Variants in FTO observed in about 807,000 individuals in gnomAD.
FTO encodes FTO alpha-ketoglutarate dependent dioxygenase.
In FTO, 47 loss-of-function variants were observed where a neutral mutation model predicts 63.9. That is an observed-to-expected ratio of 0.74 (90% confidence interval 0.58 to 0.94). FTO has a LOEUF of 0.94. Ranked by LOEUF, FTO falls within the 40% of genes least tolerant of loss-of-function variation. The pLI is 0.00. For missense variants in FTO, 562 were observed against 618.1 expected (o/e 0.91, Z 0.96); for synonymous variants, 207 against 224.4 (o/e 0.92, Z 0.69).
chr16:53,922,699 A>G (rs1376866390), intron 7 of FTO, among the ~76,000 whole-genome samples: 1 of 152,204 alleles, frequency 6.6e-6, no homozygotes, highest in Non-Finnish European at 1.5e-5. Context: ...ATAGACTGCA[A>G]GTTGGGATGA....
At chr16:53,944,855 C>G (rs986368335) in intron 8 of FTO, among the ~76,000 whole-genome samples, 1 of 152,158 alleles carries the variant, frequency 6.6e-6, no homozygotes, top group Admixed American at 6.5e-5. Context: ...ACCCAGCCAC[C>G]CTTATCCAAA....
At chr16:53,899,351 C>A (rs560863491) in intron 7 of FTO, among the ~76,000 whole-genome samples, 22 of 151,986 alleles carry the variant, frequency 1.4e-4, no homozygotes, top group Non-Finnish European at 2.6e-4. Flanking sequence ...TTTTAGATTT[C>A]CCTCTTCTGG....
intron 7 of FTO, among the ~76,000 whole-genome samples, chr16:53,920,302 C>T (rs1345503245): frequency 7.2e-6 from 1 of 138,700 alleles, no homozygotes. Context: ...TGCCTGTGGC[C>T]AGCTTGGTCG....
intron 7 of FTO, among the ~76,000 whole-genome samples, chr16:53,915,388 A>G (rs1396131898): frequency 6.6e-6 from 1 of 152,178 alleles, no homozygotes; most frequent in African/African-American, 2.4e-5. Context: ...GTATCCTCCC[A>G]GCTTCTGTAT....
intron 4 of FTO, among the ~76,000 whole-genome samples, chr16:53,858,523 A>T (rs1209161954): frequency 6.6e-6 from 1 of 152,210 alleles, no homozygotes; most frequent in Non-Finnish European, 1.5e-5. Flanking sequence ...GATAAAGATA[A>T]TCTCAAGGTA....
intron 1 of FTO, among the ~76,000 whole-genome samples, chr16:53,763,794 G>T (rs968096357): frequency 2.0e-5 from 3 of 152,168 alleles, no homozygotes; most frequent in South Asian, 4.1e-4. Flanking sequence ...TGCATACAAA[G>T]AAATTTTTAG....
intron 2 of FTO, among the ~76,000 whole-genome samples, chr16:53,823,491 T>G (rs1598750830): frequency 1.4e-5 from 2 of 145,838 alleles, no homozygotes; most frequent in East Asian, 2.0e-4. Context: ...TACATCCAAT[T>G]CCCCTCCCCC....
intron 1 of FTO, among the ~76,000 whole-genome samples, chr16:53,782,504 C>T (rs1215341716): frequency 6.6e-6 from 1 of 152,180 alleles, no homozygotes; most frequent in East Asian, 1.9e-4. Flanking sequence ...TATTTGGGTA[C>T]TCTAGATCAG....
intron 1 of FTO, among the ~76,000 whole-genome samples, chr16:53,798,364 G>T (rs1353622129): frequency 6.6e-6 from 1 of 152,092 alleles, no homozygotes. Flanking sequence ...CTTAGTTTGA[G>T]ATTGCATCAA....
chr16:53,770,729 C>T (rs2077313929), intron 1 of FTO, among the ~76,000 whole-genome samples: 1 of 152,008 alleles, frequency 6.6e-6, no homozygotes. Context: ...TTGAATAACC[C>T]AGGTGCTTGG....
At position 53,836,995 on chromosome 16, in the gene FTO, T is replaced by C. The variant is rs191385060; in HGVS notation, c.752-7160T>C. ...TCTGTGTTATTTACAACGTAAGGGT[T>C]TCCTGTGAGTCTCCACAACTCTCTT... On this transcript the variant is annotated intron_variant, in intron 3 of 8. Transcript: ENST00000471389. Among the ~76,000 whole-genome samples the C allele has an allele frequency of 7.8e-4, 119 of 152,294 alleles. 1 individual carries two copies. Among genetic ancestry groups the C allele is most frequent in the African/African-American group, 2.8e-3 (117 of 41,572 alleles).
At chr16:53,867,114 T>A (rs949435406) in intron 4 of FTO, among the ~76,000 whole-genome samples, 7 of 152,134 alleles carry the variant, frequency 4.6e-5, no homozygotes, top group African/African-American at 1.4e-4. Flanking sequence ...TCCTTTTTTT[T>A]AAGATTTTTT....
chr16:53,896,388 A>T (rs1283244922), intron 7 of FTO, among the ~76,000 whole-genome samples: 1 of 151,940 alleles, frequency 6.6e-6, no homozygotes, highest in Non-Finnish European at 1.5e-5. Context: ...CTTTATTATA[A>T]TTACCTCTGA....
At chr16:54,096,557 G>T (rs1438106483) in intron 8 of FTO, among the ~76,000 whole-genome samples, 3 of 152,180 alleles carry the variant, frequency 2.0e-5, no homozygotes, top group Non-Finnish European at 4.4e-5. Context: ...TAGCGCCCAG[G>T]AAGTACTGGA....
intron 1 of FTO, among the ~76,000 whole-genome samples, chr16:53,730,520 G>T (rs1354192847): frequency 6.6e-6 from 1 of 151,212 alleles, no homozygotes; most frequent in Non-Finnish European, 1.5e-5. Context: ...TTGAGACAGG[G>T]TCTCACTCTC....
intron 8 of FTO, chr16:53,991,227 A>G (rs2083802800): frequency 6.6e-6 from 1 of 152,222 alleles, no homozygotes; most frequent in Non-Finnish European, 1.5e-5. Context: ...AAGTGAAGCC[A>G]TTAAGTAGGT....
chr16:53,837,386 A>G (rs1006643027), intron 3 of FTO, among the ~76,000 whole-genome samples: 3 of 152,246 alleles, frequency 2.0e-5, no homozygotes, highest in African/African-American at 7.2e-5. Context: ...GAAATCCTAG[A>G]AAACTTATAA....
chr16:53,907,253 G>A (rs1450732910), intron 7 of FTO, among the ~76,000 whole-genome samples: 1 of 152,206 alleles, frequency 6.6e-6, no homozygotes, highest in African/African-American at 2.4e-5. Context: ...TTAGCCTAGA[G>A]TGACTTAAAC....
At chr16:53,959,405 G>C (rs992468235) in intron 8 of FTO, among the ~76,000 whole-genome samples, 2 of 152,302 alleles carry the variant, frequency 1.3e-5, no homozygotes, top group Admixed American at 1.3e-4. Flanking sequence ...AGTGGGAAGA[G>C]CACAGTGGAA....
Sources: gnomAD v4.1 joint callset for allele counts (sites outside exome capture counted in the v4.1 genomes callset) on GRCh38, gnomAD v4.1.1 for gene constraint, MANE v1.5 for transcripts, NCBI Gene and HGNC (gene_info 2026-07-23, HGNC 2026-07-21) for gene names.